PTPN1: variants seen among roughly 807,000 people sequenced by gnomAD.
PTPN1 encodes the protein protein tyrosine phosphatase non-receptor type 1, also known as tyrosine-protein phosphatase non-receptor type 1.
A neutral mutation model predicts 59.9 loss-of-function variants in PTPN1; 12 were observed. The observed-to-expected ratio is 0.20, with a 90% CI of 0.13 to 0.32. The LOEUF (loss-of-function observed/expected upper bound fraction) is 0.32, where lower values mean the gene tolerates loss of function less well. PTPN1 is among the 10% of genes least tolerant of loss of function. PTPN1 has a pLI of 1.00. For synonymous variants in PTPN1, 178 were observed against 203.6 expected (o/e 0.87, Z 1.07); for missense variants, 356 against 549.2 (o/e 0.65, Z 3.52).
intron 3 of PTPN1, among the ~76,000 whole-genome samples, chr20:50,565,273 A>T (rs1955781153): frequency 6.6e-6 from 1 of 152,258 alleles, no homozygotes; most frequent in African/African-American, 2.4e-5. Flanking sequence ...GAAGCATAAG[A>T]TGACATTGCT....
chr20:50,555,358 CTG>C (rs1216762058), intron 1 of PTPN1, among the ~76,000 whole-genome samples: 2 of 152,142 alleles, frequency 1.3e-5, no homozygotes, highest in Non-Finnish European at 2.9e-5. Context: ...ACAAAGCAGA[CTG>C]TGGTTGCCTT....
rs548789829 is a variant in PTPN1 at position 50,546,179 on chromosome 20, C to G, written c.64-15184C>G. On this transcript the variant is annotated intron_variant, in intron 1 of 9. Transcript: ENST00000371621. The stretch of plus-strand genomic sequence containing the variant: ...AGACATCTGTTTGACTGTCTTCCCC[C>G]CTGAAGCGCAGGCTCTGTGAGGGCA... 6.6e-5 allele frequency among the ~76,000 whole-genome samples: 10 copies of G among 152,330 alleles called. No homozygotes were observed. The East Asian group carries it at 7.7e-4, about 12-fold the overall frequency.
chr20:50,561,564 AGG>A, intron 2 of PTPN1, 111 bp downstream of exon 2: 1 of 637,212 alleles, frequency 1.6e-6, no homozygotes, highest in Non-Finnish European at 2.6e-6. Flanking sequence ...AATGTAGCAG[AGG>A]TTTATGACGC....
chr20:50,561,597 G>A (rs2082752723), intron 2 of PTPN1, 144 bp downstream of exon 2: 3 of 522,598 alleles, frequency 5.7e-6, no homozygotes, highest in Admixed American at 3.8e-5. Context: ...TATAGTAAAG[G>A]CATTAGAGAC....
At chr20:50,563,683 C>T (rs1238600503) in intron 2 of PTPN1, among the ~76,000 whole-genome samples, 1 of 152,048 alleles carries the variant, frequency 6.6e-6, no homozygotes, top group Admixed American at 6.6e-5. Flanking sequence ...ACAAAAAGCC[C>T]CAGACCACTT....
At chr20:50,541,585 G>A (rs1290104831) in intron 1 of PTPN1, among the ~76,000 whole-genome samples, 2 of 152,148 alleles carry the variant, frequency 1.3e-5, no homozygotes, top group Non-Finnish European at 1.5e-5. Flanking sequence ...AACCAGACCC[G>A]GTCGCAGGTC....
At chr20:50,558,818 C>T (rs2082737315) in intron 1 of PTPN1, among the ~76,000 whole-genome samples, 1 of 152,106 alleles carries the variant, frequency 6.6e-6, no homozygotes, top group African/African-American at 2.4e-5. Context: ...CCGTGTCTGT[C>T]ATGTAGTTGT....
chr20:50,540,863 G>A (rs937656500), intron 1 of PTPN1, among the ~76,000 whole-genome samples: 1 of 152,160 alleles, frequency 6.6e-6, no homozygotes, highest in African/African-American at 2.4e-5. Context: ...TGTCTTGATT[G>A]GGTCCTCCTG....
intron 1 of PTPN1, among the ~76,000 whole-genome samples, chr20:50,547,251 G>A (rs2082679581): frequency 1.3e-5 from 2 of 152,260 alleles, no homozygotes; most frequent in South Asian, 4.1e-4. Context: ...CTTTGGTAAC[G>A]ATTCTATTCT....
chr20:50,546,330 A>T (rs1269975016), intron 1 of PTPN1, among the ~76,000 whole-genome samples: 1 of 152,212 alleles, frequency 6.6e-6, no homozygotes, highest in Non-Finnish European at 1.5e-5. Context: ...CTTAATGCAT[A>T]TGGGGAGTTC....
At chr20:50,557,762 G>C (rs891521527) in intron 1 of PTPN1, 1 of 152,184 alleles carries the variant, frequency 6.6e-6, no homozygotes, top group Non-Finnish European at 1.5e-5. Flanking sequence ...ATCAGTACAG[G>C]AATTTCCACC....
intron 1 of PTPN1, among the ~76,000 whole-genome samples, chr20:50,560,697 CAGTA>C (rs1465290944): frequency 6.6e-6 from 1 of 151,282 alleles, no homozygotes. Context: ...AGTTCAGTGG[CAGTA>C]AGTACATTCA....
At chr20:50,577,554 C>G (rs372837014) in intron 5 of PTPN1, 1 of 152,324 alleles carries the variant, frequency 6.6e-6, no homozygotes, top group Admixed American at 6.5e-5. Context: ...GCGTACTCCC[C>G]CCAGTGAGGG....
At chr20:50,532,360 G>T (rs1458544488) in intron 1 of PTPN1, among the ~76,000 whole-genome samples, 1 of 152,148 alleles carries the variant, frequency 6.6e-6, no homozygotes, top group Non-Finnish European at 1.5e-5. Flanking sequence ...TCTTCTTTGG[G>T]TCGGTTCAGC....
Position 50,561,414 on chromosome 20 carries a change from A to G in PTPN1, c.115A>G (p.Lys39Glu). 1.2e-6 allele frequency: 2 copies of G among 1,613,434 alleles called. No homozygotes were observed. The highest frequency in any genetic ancestry group is 1.7e-6 in the Non-Finnish European group (2 of 1,179,560). Residue 39 changes from lysine (K) to glutamate (E), a missense_variant, in exon 2 of 10, where the codon AAG (lysine) becomes GAG (glutamate). Physicochemically the swap from Lys to Glu is moderately conservative, Grantham distance 56. Around this residue, in one of 3 missense-constraint regions of PTPN1, gnomAD observed 194 missense variants for 344.2 expected, o/e 0.56. Transcript: ENST00000371621. ...DFPCRVAKLP[K>E]NKNRNRYRDV... ...CCCATGTAGAGTGGCCAAGCTTCCTAAGAACAAAAACCGAAATAGGTACAG... is the reference window on the plus strand; with the variant it reads ...CCCATGTAGAGTGGCCAAGCTTCCTGAGAACAAAAACCGAAATAGGTACAG...
intron 5 of PTPN1, among the ~76,000 whole-genome samples, chr20:50,576,737 G>C (rs1339071705): frequency 1.3e-5 from 2 of 151,726 alleles, no homozygotes; most frequent in Non-Finnish European, 2.9e-5. Context: ...TTAGCCGGGC[G>C]TGGTGGCGGG....
At chr20:50,539,365 C>T (rs2082638661) in intron 1 of PTPN1, among the ~76,000 whole-genome samples, 1 of 152,144 alleles carries the variant, frequency 6.6e-6, no homozygotes, top group South Asian at 2.1e-4. Context: ...GAAGCTCTTT[C>T]TGCACTAGAT....
In PTPN1 at chr20:50,561,027, G is replaced by A. The variant is rs141401356; in HGVS notation, c.64-336G>A. 2.6e-4 allele frequency among the ~76,000 whole-genome samples: 40 copies of A among 152,290 alleles called. 1 individual carries two copies. The highest frequency in any genetic ancestry group is 6.0e-4 in the African/African-American group (25 of 41,564). ...GGCTACCCACCCATGTCCTCCAGCC[G>A]TCTGTCGCACCTCCTACTGCCCACT... On this transcript the variant is annotated intron_variant, in intron 1 of 9. Transcript: ENST00000371621.
At chr20:50,554,881 GA>G (rs1448236302) in intron 1 of PTPN1, among the ~76,000 whole-genome samples, 5 of 151,836 alleles carry the variant, frequency 3.3e-5, no homozygotes, top group African/African-American at 1.2e-4. Flanking sequence ...AGAGACAGAG[GA>G]AAAAAGGAAC....
Sources: allele counts gnomAD v4.1 joint callset (sites outside exome capture counted in the v4.1 genomes callset), GRCh38; gene constraint gnomAD v4.1.1; regional missense constraint gnomAD v4.1.1; transcripts MANE v1.5; gene names NCBI Gene and HGNC (gene_info 2026-07-23, HGNC 2026-07-21).